Variants in TIMP2 observed in about 807,000 individuals in gnomAD.
TIMP2 encodes the protein metalloproteinase inhibitor 2.
Under a neutral mutation model 24.3 loss-of-function variants are expected in TIMP2, and 5 were observed. That is an observed-to-expected ratio of 0.21 (90% CI 0.11 to 0.43). The LOEUF is 0.43. Among genes scored for constraint, TIMP2 ranks in the 20% least tolerant of loss-of-function variants. The probability of loss-of-function intolerance (pLI) is 1.00; values close to 1 mark genes in which losing one functional copy is unlikely to be tolerated. For synonymous variants in TIMP2, 130 were observed against 123.2 expected, an observed-to-expected ratio of 1.06 and a Z score of -0.37; for missense variants, 221 against 297.5, an observed-to-expected ratio of 0.74 and a Z score of 1.89.
chr17:78,876,342 A>G (rs570709239), intron 1 of TIMP2, among the ~76,000 whole-genome samples: 1 of 151,750 alleles, frequency 6.6e-6, no homozygotes, highest in Non-Finnish European at 1.5e-5. Flanking sequence ...CTCTGAACAG[A>G]CAAGTTTCTT....
chr17:78,893,090 G>T (rs758831380), intron 1 of TIMP2, among the ~76,000 whole-genome samples: 8 of 151,232 alleles, frequency 5.3e-5, no homozygotes, highest in African/African-American at 1.5e-4. Context: ...CGCGTGTGCA[G>T]GGGTGTGTGT....
intron 1 of TIMP2, among the ~76,000 whole-genome samples, chr17:78,890,399 G>A (rs1189566753): frequency 8.6e-5 from 13 of 152,034 alleles, no homozygotes; most frequent in African/African-American, 2.7e-4. Context: ...ACGGGGTTTC[G>A]CCATGTTGGC....
intron 1 of TIMP2, chr17:78,899,580 A>G (rs2070057629): frequency 6.6e-6 from 1 of 152,266 alleles, no homozygotes; most frequent in Non-Finnish European, 1.5e-5. Flanking sequence ...CTGGGCCTAG[A>G]GGCTTGAGAA....
At chr17:78,908,649 G>C (rs891537522) in intron 1 of TIMP2, among the ~76,000 whole-genome samples, 1 of 152,214 alleles carries the variant, frequency 6.6e-6, no homozygotes, top group Non-Finnish European at 1.5e-5. Context: ...CTCCCCCGCA[G>C]AGCCTTTGTA....
In TIMP2 at chr17:78,923,400, G is replaced by GT. The variant is rs1568010864; in HGVS notation, c.130+1558_130+1559insA. Among the ~76,000 whole-genome samples, 5 of 138,830 alleles carry GT rather than the reference G, an allele frequency of 3.6e-5. 1 individual carries two copies. Among genetic ancestry groups the GT allele is most frequent in the Non-Finnish European group, 7.9e-5 (5 of 62,916 alleles). 91.1% of individuals were successfully genotyped at this position (138,830 alleles called of 152,430 possible). A position where few individuals can be genotyped will look rare whatever the true frequency, so the allele number is the denominator to read the frequency against. ...GAGTGTGTGTGTGGGGCGGGGTGGG[G>GT]GGGGGGGCGGGAGGGGGAGGGGTCC... On this transcript the variant is annotated intron_variant, in intron 1 of 4. Transcript: ENST00000262768.
intron 3 of TIMP2, among the ~76,000 whole-genome samples, chr17:78,862,420 G>A (rs1567991566): frequency 6.6e-6 from 1 of 152,216 alleles, no homozygotes; most frequent in African/African-American, 2.4e-5. Context: ...GGTTCCTCTC[G>A]CCATGAGGTG....
At chr17:78,869,360 T>A (rs2069649986) in intron 3 of TIMP2, among the ~76,000 whole-genome samples, 1 of 150,454 alleles carries the variant, frequency 6.6e-6, no homozygotes, top group South Asian at 2.1e-4. Flanking sequence ...GAGATCGAGG[T>A]TGCAGTGAGT....
chr17:78,890,784 G>C, intron 1 of TIMP2: 2 of 1,550,632 alleles, frequency 1.3e-6, no homozygotes, highest in Admixed American at 2.0e-5. Context: ...GTGCCCGATG[G>C]GGAAGTGGTG....
intron 1 of TIMP2, chr17:78,892,505 G>A: frequency 6.6e-7 from 1 of 1,504,222 alleles, no homozygotes; most frequent in Non-Finnish European, 8.9e-7. Flanking sequence ...TCGCTCCCAG[G>A]AGAGTGAGCA....
intron 3 of TIMP2, among the ~76,000 whole-genome samples, chr17:78,865,762 A>G (rs1018743608): frequency 7.9e-5 from 12 of 152,206 alleles, no homozygotes; most frequent in African/African-American, 2.4e-4. Context: ...ACTGCACTCC[A>G]GCCTGGGCAA....
chr17:78,901,137 G>A (rs35198972), intron 1 of TIMP2: 74,926 of 152,550 alleles, frequency 0.49, 19,389 homozygotes, highest in African/African-American at 0.66. Context: ...GCTTCCGGGA[G>A]GGCTCAGGAA....
intron 2 of TIMP2, among the ~76,000 whole-genome samples, chr17:78,872,406 G>A (rs567415196): frequency 1.6e-4 from 25 of 152,224 alleles, no homozygotes; most frequent in African/African-American, 5.3e-4. Context: ...TTCTCAACAT[G>A]TGATTTACTC....
chr17:78,859,941 G>A (rs1380493038), intron 3 of TIMP2, among the ~76,000 whole-genome samples: 1 of 152,044 alleles, frequency 6.6e-6, no homozygotes, highest in Non-Finnish European at 1.5e-5. Flanking sequence ...ACAGCGAGAA[G>A]AGGTCATGCC....
rs765278858 is a variant in TIMP2, at chr17:78,873,805, G to A, written c.231+14C>T. The A allele has an allele frequency of 6.2e-7, 1 of 1,606,538 alleles. No individual in the cohort carries two copies. Among genetic ancestry groups the A allele is most frequent in the Non-Finnish European group, 8.5e-7 (1 of 1,175,798 alleles). ...GCCCACAGTGCAGCCCGGGATGCCG[G>A]CAGCCACTATTACCTTTATCTGCTT... On this transcript the variant is annotated intron_variant, in intron 2 of 4. Transcript: ENST00000262768.
At chr17:78,890,488 G>C (rs61085474) in intron 1 of TIMP2, 1 of 896,752 alleles carries the variant, frequency 1.1e-6, no homozygotes, top group African/African-American at 1.7e-5. Context: ...TTACAGGCGT[G>C]CGCCACTGCA....
rs1568000125 is a variant in TIMP2, at chr17:78,891,929, G to A, written c.131-18010C>T. The A allele has an allele frequency of 2.6e-6, 4 of 1,550,574 alleles. No individual in the cohort carries two copies. Among genetic ancestry groups the A allele is most frequent in the Non-Finnish European group, 3.5e-6 (4 of 1,146,990 alleles). On this transcript the variant is annotated intron_variant, in intron 1 of 4. Transcript: ENST00000262768. The surrounding 1 kb of genome is among the most constrained non-coding windows in gnomAD (Gnocchi z 4.5). ...ACTCGCTGCTGTCTTCCGGGGCCTG[G>A]AGTGCCTGGGGTGTTGCTGGCCCAA... is the stretch of plus-strand genomic sequence containing the variant.
chr17:78,876,277 A>G (rs551479016), intron 1 of TIMP2, among the ~76,000 whole-genome samples: 26 of 151,900 alleles, frequency 1.7e-4, no homozygotes, highest in Non-Finnish European at 3.2e-4. Context: ...TGCTCCCACT[A>G]TTCTACCACT....
In TIMP2 at chr17:78,920,342, G is replaced by A. The variant is rs1017260724; in HGVS notation, c.130+4617C>T. Among the ~76,000 whole-genome samples, 20 of 152,218 alleles carry A rather than the reference G, an allele frequency of 1.3e-4. No individual in the cohort carries two copies. Among genetic ancestry groups the A allele is most frequent in the East Asian group, 9.6e-4 (5 of 5,198 alleles). On this transcript the variant is annotated intron_variant, in intron 1 of 4. Transcript: ENST00000262768. This position sits in a 1 kb window ranked among gnomAD's most constrained non-coding sequence, Gnocchi z 4.5. ...CAAACGACAGGCCAGGACTGCGTACGTGGCTCTGCACCCCCAGAAGGGTGC... is the reference window on the plus strand; with the variant it reads ...CAAACGACAGGCCAGGACTGCGTACATGGCTCTGCACCCCCAGAAGGGTGC...
chr17:78,916,800 A>G (rs947811933), intron 1 of TIMP2, among the ~76,000 whole-genome samples: 4 of 151,914 alleles, frequency 2.6e-5, no homozygotes, highest in African/African-American at 9.7e-5. Flanking sequence ...GCCTGGCCAT[A>G]CTTTGTTCTA....
Sources: allele counts gnomAD v4.1 joint callset (sites outside exome capture counted in the v4.1 genomes callset), GRCh38; gene constraint gnomAD v4.1.1; non-coding constraint Gnocchi (gnomAD v3.1); transcripts MANE v1.5; gene names NCBI Gene and HGNC (gene_info 2026-07-23, HGNC 2026-07-21).